Variants in NPSR1 observed in about 807,000 individuals in gnomAD.
NPSR1 encodes the protein neuropeptide S receptor.
NPSR1 carries 48 observed loss-of-function variants against 46.9 expected under a neutral mutation model. The observed-to-expected ratio is 1.02, with a 90% CI of 0.81 to 1.30. The LOEUF is 1.30. Among genes scored for constraint, NPSR1 ranks in the 50% most tolerant of loss-of-function variants. NPSR1 has a pLI of 0.00. For missense variants in NPSR1, 450 were observed against 449.5 expected, an observed-to-expected ratio of 1.00 and a Z score of -0.01; for synonymous variants, 176 against 168.1, an observed-to-expected ratio of 1.05 and a Z score of -0.36.
intron 3 of NPSR1, among the ~76,000 whole-genome samples, chr7:34,803,527 T>C (rs959037195): frequency 7.0e-6 from 1 of 143,656 alleles, no homozygotes; most frequent in African/African-American, 2.6e-5. Context: ...TGAGAACACA[T>C]GGACACAGGA....
At chr7:34,797,738 A>C (rs1788243392) in intron 3 of NPSR1, among the ~76,000 whole-genome samples, 1 of 152,208 alleles carries the variant, frequency 6.6e-6, no homozygotes, top group South Asian at 2.1e-4. Flanking sequence ...TATCATATTC[A>C]AACTGCAGAA....
intron 5 of NPSR1, among the ~76,000 whole-genome samples, chr7:34,828,203 G>A (rs1350364281): frequency 1.3e-5 from 2 of 152,218 alleles, no homozygotes; most frequent in African/African-American, 2.4e-5. Context: ...GATTCAGGTA[G>A]GATAAGGGAG....
At chr7:34,857,317 TA>T (rs35558261) in intron 8 of NPSR1, among the ~76,000 whole-genome samples, 7 of 151,530 alleles carry the variant, frequency 4.6e-5, no homozygotes, top group African/African-American at 1.7e-4. Flanking sequence ...CACTGTTGAC[TA>T]AAAAGGAAAA....
chr7:34,658,546 A>G lies in NPSR1; in HGVS notation c.134A>G (p.Tyr45Cys). Residue 45 changes from tyrosine (Y) to cysteine (C), a missense_variant, in exon 1 of 9, where the codon TAC (tyrosine) becomes TGC (cysteine). Coordinates refer to ENST00000360581, the MANE Select transcript of NPSR1 (RefSeq NM_207172.2). ...VVEGKEWGSF[Y>C]YSFKTEQLIT... is the part of the protein sequence containing the mutation. ...GAAGGAAAGGAATGGGGTTCCTTCTACTACTCCTTTAAGGTAAGTTTCTTG... is the reference window on the plus strand; with the variant it reads ...GAAGGAAAGGAATGGGGTTCCTTCTGCTACTCCTTTAAGGTAAGTTTCTTG... The G allele has an allele frequency of 3.1e-6, 5 of 1,614,032 alleles. No individual in the cohort carries two copies. The highest frequency in any genetic ancestry group is 4.2e-6 in the Non-Finnish European group (5 of 1,179,934).
intron 2 of NPSR1, among the ~76,000 whole-genome samples, chr7:34,759,426 T>G (rs1583963885): frequency 6.6e-6 from 1 of 152,330 alleles, no homozygotes; most frequent in East Asian, 1.9e-4. Context: ...TTGCCATAGT[T>G]ATTTCTTTTT....
At chr7:34,795,063 C>T (rs1275197516) in intron 3 of NPSR1, among the ~76,000 whole-genome samples, 1 of 151,856 alleles carries the variant, frequency 6.6e-6, no homozygotes, top group Non-Finnish European at 1.5e-5. Context: ...AAGAATTATA[C>T]ACCACAAACA....
Position 34,841,517 on chromosome 7 carries a change from G to A in NPSR1, c.758-3379G>A, listed in dbSNP as rs145654946. On this transcript the variant is annotated intron_variant, in intron 6 of 8. Coordinates refer to ENST00000360581, the MANE Select transcript of NPSR1 (RefSeq NM_207172.2). Reference sequence around the variant, plus strand: ...CAAGCCCGATTAATGCACAGTGACAGCTGAATTTAACTGCTTTTCACTGCA... The same window carrying A: ...CAAGCCCGATTAATGCACAGTGACAACTGAATTTAACTGCTTTTCACTGCA... Among the ~76,000 whole-genome samples, 735 of 152,368 alleles carry A rather than the reference G, an allele frequency of 4.8e-3. 10 individuals are homozygous for A. The highest frequency in any genetic ancestry group is 0.017 in the African/African-American group (696 of 41,592).
At chr7:34,709,176 C>T (rs1335177386) in intron 2 of NPSR1, among the ~76,000 whole-genome samples, 2 of 152,120 alleles carry the variant, frequency 1.3e-5, no homozygotes, top group East Asian at 3.9e-4. Context: ...TTACGTTTCT[C>T]AGGAGTCCCT....
intron 1 of NPSR1, among the ~76,000 whole-genome samples, chr7:34,672,841 C>G (rs571320532): frequency 1.3e-5 from 2 of 152,204 alleles, no homozygotes; most frequent in African/African-American, 2.4e-5. Context: ...CTCCTCCTGA[C>G]AGCAGATTCT....
At chr7:34,746,486 T>C (rs941386580) in intron 2 of NPSR1, among the ~76,000 whole-genome samples, 5 of 152,214 alleles carry the variant, frequency 3.3e-5, no homozygotes, top group Non-Finnish European at 5.9e-5. Flanking sequence ...GAAAACATGG[T>C]ATATACAGAG....
At chr7:34,709,526 C>A (rs916428767) in intron 2 of NPSR1, among the ~76,000 whole-genome samples, 1 of 152,112 alleles carries the variant, frequency 6.6e-6, no homozygotes, top group Admixed American at 6.6e-5. Context: ...TCTTTTGGGG[C>A]CTTCTGTGAC....
At chr7:34,666,171 T>C (rs1791740777) in intron 1 of NPSR1, among the ~76,000 whole-genome samples, 2 of 152,202 alleles carry the variant, frequency 1.3e-5, no homozygotes, top group Admixed American at 6.5e-5. Flanking sequence ...TTCTATATTA[T>C]TTAGTAATGA....
chr7:34,698,011 A>G (rs925392303), intron 2 of NPSR1, among the ~76,000 whole-genome samples: 1 of 152,168 alleles, frequency 6.6e-6, no homozygotes, highest in African/African-American at 2.4e-5. Context: ...GGTTAAAATT[A>G]AAAGGAAAAG....
rs1264627947 is a variant in NPSR1 at position 34,678,939 on chromosome 7, A to G, written c.148-5613A>G. 5.9e-5 allele frequency among the ~76,000 whole-genome samples: 9 copies of G among 152,218 alleles called. No individual in the cohort carries two copies. The East Asian group carries it at 1.7e-3, about 29-fold the overall frequency. ...GTATGTTATACTAGAATATGCTAATAATCTAAATTTTAAAATCACAGATTA... is the reference window on the plus strand; with the variant it reads ...GTATGTTATACTAGAATATGCTAATGATCTAAATTTTAAAATCACAGATTA... On this transcript the variant is annotated intron_variant, in intron 1 of 8. Transcript: ENST00000360581.
At chr7:34,683,674 G>A (rs2082549672) in intron 1 of NPSR1, among the ~76,000 whole-genome samples, 2 of 152,090 alleles carry the variant, frequency 1.3e-5, no homozygotes, top group Non-Finnish European at 2.9e-5. Flanking sequence ...ATGGCAGAAA[G>A]TGAGAGGGTG....
intron 2 of NPSR1, among the ~76,000 whole-genome samples, chr7:34,686,787 T>C (rs17776235): frequency 0.22 from 34,047 of 151,760 alleles, 4,072 homozygotes; most frequent in South Asian, 0.33. Flanking sequence ...ACTTTCTTTG[T>C]TTAAAGGACT....
At chr7:34,777,237 G>A (rs923236160) in intron 2 of NPSR1, among the ~76,000 whole-genome samples, 12 of 152,126 alleles carry the variant, frequency 7.9e-5, no homozygotes, top group Non-Finnish European at 1.8e-4. Context: ...TAAGGCTTGT[G>A]GGAACTCAAG....
chr7:34,754,780 A>G (rs1349803952), intron 2 of NPSR1, among the ~76,000 whole-genome samples: 1 of 152,200 alleles, frequency 6.6e-6, no homozygotes, highest in Non-Finnish European at 1.5e-5. Flanking sequence ...CCTTTTAGCT[A>G]TAACTCCCAC....
At chr7:34,827,146 A>G (rs1237897467) in intron 4 of NPSR1, among the ~76,000 whole-genome samples, 1 of 152,218 alleles carries the variant, frequency 6.6e-6, no homozygotes, top group Non-Finnish European at 1.5e-5. Context: ...CAGATGGGTA[A>G]ATCAGGAAAG....
Sources: gnomAD v4.1 joint callset for allele counts (sites outside exome capture counted in the v4.1 genomes callset) on GRCh38, gnomAD v4.1.1 for gene constraint, MANE v1.5 for transcripts, NCBI Gene and HGNC (gene_info 2026-07-23, HGNC 2026-07-21) for gene names.